LARGE1: variants seen among roughly 807,000 people sequenced by gnomAD.
LARGE1 encodes xylosyl- and glucuronyltransferase LARGE1.
LARGE1 carries 43 observed loss-of-function variants against 87.6 expected under a neutral mutation model. That is an observed-to-expected ratio of 0.49 (90% CI 0.38 to 0.63). The LOEUF (loss-of-function observed/expected upper bound fraction) is 0.63. Among genes scored for constraint, LARGE1 ranks in the 30% least tolerant of loss-of-function variants. The pLI is 0.00. For synonymous variants in LARGE1, 434 were observed against 394.6 expected, an observed-to-expected ratio of 1.10 and a Z score of -1.18; for missense variants, 802 against 1,000.2, an observed-to-expected ratio of 0.80 and a Z score of 2.67.
chr22:33,232,102 C>T (rs1396098669), intron 11 of LARGE1, among the ~76,000 whole-genome samples: 1 of 152,174 alleles, frequency 6.6e-6, no homozygotes, highest in Non-Finnish European at 1.5e-5. Flanking sequence ...CTTCCCAAGA[C>T]CATGCATTTT....
At chr22:33,675,397 A>G (rs545100652) in intron 2 of LARGE1, among the ~76,000 whole-genome samples, 1 of 151,886 alleles carries the variant, frequency 6.6e-6, no homozygotes, top group Middle Eastern at 3.4e-3. Flanking sequence ...CAAGAACTGA[A>G]GAACAAGAGG....
At position 33,432,245 on chromosome 22, in the gene LARGE1, C is replaced by G; in HGVS notation, c.808G>C (p.Val270Leu). ...AGGTACCAGTCACTCTGGTTCTCCA[C>G]CAAGCCCAGGACTTGCTGACCTGTG... ...KFKGQQVLGL[V>L]ENQSDWYLGN... Residue 270 changes from valine (V) to leucine (L), a missense_variant, in exon 7 of 15, where the codon GTG becomes CTG. Physicochemically the swap from Val to Leu is conservative, Grantham distance 32 (BLOSUM62 1). This residue lies in a region of LARGE1 where 625 missense variants were observed against 841.9 expected (regional missense o/e 0.74). Coordinates refer to ENST00000397394, the MANE Select transcript of LARGE1 (RefSeq NM_133642.5). 1.9e-6 allele frequency: 3 copies of G among 1,614,096 alleles called. No individual in the cohort carries two copies. Among genetic ancestry groups the G allele is most frequent in the Non-Finnish European group, 2.5e-6 (3 of 1,179,968 alleles).
intron 7 of LARGE1, among the ~76,000 whole-genome samples, chr22:33,424,244 G>T (rs1224086366): frequency 6.6e-6 from 1 of 152,226 alleles, no homozygotes; most frequent in Non-Finnish European, 1.5e-5. Flanking sequence ...GAAGTTTACA[G>T]GTGGAGGTGT....
chr22:33,167,802 C>A (rs1198083565), intron 11 of LARGE1, among the ~76,000 whole-genome samples: 1 of 152,168 alleles, frequency 6.6e-6, no homozygotes, highest in Non-Finnish European at 1.5e-5. Flanking sequence ...AGTACAGCAA[C>A]CTACAAGAAG....
intron 1 of LARGE1, among the ~76,000 whole-genome samples, chr22:33,876,945 C>A (rs1202551204): frequency 6.6e-6 from 1 of 151,468 alleles, no homozygotes; most frequent in Non-Finnish European, 1.5e-5. Context: ...CAGATCTGAA[C>A]ACTCTGGTCA....
At chr22:33,651,389 CA>C (rs59002897) in intron 2 of LARGE1, among the ~76,000 whole-genome samples, 629 of 54,274 alleles carry the variant, frequency 0.012, 2 homozygotes, top group African/African-American at 0.046. Context: ...GACTCCGTCT[CA>C]AAAAAAAAAA....
chr22:33,689,415 G>T (rs1603158040), intron 2 of LARGE1, among the ~76,000 whole-genome samples: 1 of 152,208 alleles, frequency 6.6e-6, no homozygotes, highest in South Asian at 2.1e-4. Context: ...ATAAAACACA[G>T]AGAGATGAGA....
intron 6 of LARGE1, among the ~76,000 whole-genome samples, chr22:33,459,179 T>G (rs142862496): frequency 5.7e-4 from 87 of 152,284 alleles, no homozygotes; most frequent in African/African-American, 1.9e-3. Flanking sequence ...TCTGTGTCTA[T>G]GTGTTCTCAA....
intron 5 of LARGE1, among the ~76,000 whole-genome samples, chr22:33,591,748 C>T (rs1036983277): frequency 6.7e-6 from 1 of 150,342 alleles, no homozygotes; most frequent in African/African-American, 2.5e-5. Context: ...TGGCTCACAC[C>T]TGTAATCCCA....
intron 2 of LARGE1, among the ~76,000 whole-genome samples, chr22:33,730,120 CT>C (rs1218300818): frequency 6.6e-6 from 1 of 152,118 alleles, no homozygotes; most frequent in Admixed American, 6.5e-5. Flanking sequence ...TCTGCCACCC[CT>C]GAGACAGCAA....
chr22:33,277,327 GGAA>G, intron 13 of LARGE1, 72 bp from the exon 14 acceptor site: 1 of 1,405,910 alleles, frequency 7.1e-7, no homozygotes, highest in Non-Finnish European at 9.9e-7. Flanking sequence ...CCGATGTGGA[GGAA>G]GAAGGGGTGT....
intron 2 of LARGE1, among the ~76,000 whole-genome samples, chr22:33,688,509 G>A (rs1276264249): frequency 6.6e-6 from 1 of 151,994 alleles, no homozygotes; most frequent in Non-Finnish European, 1.5e-5. Flanking sequence ...GCACCATCAC[G>A]CGCGGCTAAT....
chr22:33,746,913 G>A (rs574473474), intron 2 of LARGE1, among the ~76,000 whole-genome samples: 1 of 152,136 alleles, frequency 6.6e-6, no homozygotes, highest in African/African-American at 2.4e-5. Context: ...TCTCAAGTGG[G>A]CCAGAAGAGA....
intron 11 of LARGE1, among the ~76,000 whole-genome samples, chr22:33,307,743 C>G (rs1254149832): frequency 1.3e-5 from 2 of 151,800 alleles, no homozygotes; most frequent in Non-Finnish European, 2.9e-5. Context: ...AGGTGGAACT[C>G]TCATGAATGA....
intron 1 of LARGE1, among the ~76,000 whole-genome samples, chr22:33,836,703 T>A (rs1483533339): frequency 1.2e-4 from 18 of 152,108 alleles, no homozygotes; most frequent in Admixed American, 1.2e-3. Flanking sequence ...TCCTCTCATT[T>A]CCTAGCTGGT....
intron 2 of LARGE1, among the ~76,000 whole-genome samples, chr22:33,676,244 T>C (rs1342055152): frequency 1.3e-5 from 2 of 151,696 alleles, no homozygotes; most frequent in East Asian, 3.9e-4. Flanking sequence ...AACTGGACAA[T>C]GAGAAGCCAG....
intron 2 of LARGE1, among the ~76,000 whole-genome samples, chr22:33,748,159 G>A (rs115785661): frequency 0.058 from 8,266 of 141,944 alleles, 404 homozygotes; most frequent in African/African-American, 0.13. Context: ...TTTAGACAGA[G>A]TCTCAGTCTG....
chr22:33,284,923 T>C (rs973895480), intron 12 of LARGE1, among the ~76,000 whole-genome samples: 49 of 152,128 alleles, frequency 3.2e-4, no homozygotes, highest in Admixed American at 3.1e-3. Flanking sequence ...CCTGGCAAGG[T>C]CACTTTATGA....
intron 11 of LARGE1, among the ~76,000 whole-genome samples, chr22:33,310,174 G>C (rs1318905909): frequency 6.6e-6 from 1 of 152,150 alleles, no homozygotes; most frequent in Admixed American, 6.5e-5. Context: ...GCAATGCTGT[G>C]TTGCTGGTTC....
Sources: gnomAD v4.1 joint callset for allele counts (sites outside exome capture counted in the v4.1 genomes callset) on GRCh38, gnomAD v4.1.1 for gene constraint, gnomAD v4.1.1 regional missense constraint, MANE v1.5 for transcripts, NCBI Gene and HGNC (gene_info 2026-07-23, HGNC 2026-07-21) for gene names.